GRID1: variants seen among roughly 807,000 people sequenced by gnomAD.
The protein encoded by GRID1 is glutamate ionotropic receptor delta type subunit 1.
Under a neutral mutation model 98.0 loss-of-function variants are expected in GRID1, and 28 were observed. The ratio of observed to expected loss-of-function variants is 0.29; its 90% confidence interval spans 0.21 to 0.39. GRID1 has a LOEUF of 0.39. GRID1 is among the 10% of genes least tolerant of loss of function. GRID1 has a pLI of 1.00. For missense variants in GRID1, 1,111 were observed against 1,340.5 expected, an observed-to-expected ratio of 0.83 and a Z score of 2.67; for synonymous variants, 553 against 538.5, an observed-to-expected ratio of 1.03 and a Z score of -0.37.
intron 4 of GRID1, among the ~76,000 whole-genome samples, chr10:85,984,042 CTG>C (rs1385166754): frequency 1.3e-5 from 2 of 152,094 alleles, no homozygotes; most frequent in East Asian, 3.9e-4. Flanking sequence ...ACCCTGGCGA[CTG>C]GACTTCAGGA....
At chr10:86,350,525 C>T (rs1187963098) in intron 2 of GRID1, among the ~76,000 whole-genome samples, 2 of 152,226 alleles carry the variant, frequency 1.3e-5, no homozygotes, top group African/African-American at 4.8e-5. Context: ...GCCAGTCCTT[C>T]ACATTCCCTA....
At chr10:86,315,491 C>T (rs1261453579) in intron 2 of GRID1, among the ~76,000 whole-genome samples, 1 of 152,224 alleles carries the variant, frequency 6.6e-6, no homozygotes, top group South Asian at 2.1e-4. Flanking sequence ...CTCAGAACTA[C>T]TACAGCCTCT....
chr10:85,700,560 G>T (rs1023144757), intron 12 of GRID1, among the ~76,000 whole-genome samples: 3 of 152,152 alleles, frequency 2.0e-5, no homozygotes, highest in African/African-American at 7.2e-5. Context: ...ATTAAAAGGT[G>T]CCTGTAGTGT....
At chr10:85,905,680 A>G (rs575101031) in intron 5 of GRID1, among the ~76,000 whole-genome samples, 1 of 152,170 alleles carries the variant, frequency 6.6e-6, no homozygotes, top group African/African-American at 2.4e-5. Flanking sequence ...GTAGTATAAT[A>G]TCACTTAAAA....
chr10:85,877,044 A>G lies in GRID1; in HGVS notation c.781-7864T>C, dbSNP rs888205570. Among the ~76,000 whole-genome samples, 21 of 152,306 alleles carry G rather than the reference A, an allele frequency of 1.4e-4. No individual in the cohort carries two copies. The Middle Eastern group carries it at 0.01, about 74-fold the overall frequency. On this transcript the variant is annotated intron_variant, in intron 5 of 15. Coordinates refer to ENST00000327946, the MANE Select transcript of GRID1 (RefSeq NM_017551.3). ...TGAGATCAAACTGCAAGGCGGCAGT[A>G]AGGCTGGGGGAGGGGCGCCTGCCAT...
At chr10:85,841,096 C>A (rs1342438511) in intron 8 of GRID1, among the ~76,000 whole-genome samples, 7 of 151,954 alleles carry the variant, frequency 4.6e-5, no homozygotes, top group African/African-American at 1.7e-4. Context: ...CCATACTATA[C>A]AGCTACAGTA....
At chr10:85,892,543 G>T (rs1841217961) in intron 5 of GRID1, among the ~76,000 whole-genome samples, 1 of 146,842 alleles carries the variant, frequency 6.8e-6, no homozygotes, top group South Asian at 2.1e-4. Flanking sequence ...TTTTAAGTAT[G>T]AAAAGAAAAA....
chr10:85,849,032 CAT>C (rs1843033225), intron 8 of GRID1, among the ~76,000 whole-genome samples: 2 of 152,174 alleles, frequency 1.3e-5, no homozygotes, highest in South Asian at 4.1e-4. Flanking sequence ...CACCTCCACC[CAT>C]ATCCCCCTCC....
chr10:85,726,477 AG>A (rs147676772), intron 10 of GRID1, among the ~76,000 whole-genome samples: 2,431 of 152,290 alleles, frequency 0.016, 65 homozygotes, highest in African/African-American at 0.056. Flanking sequence ...CAGAGTGAAG[AG>A]GATAGATAAT....
chr10:85,610,801 A>G (rs1430582464), intron 15 of GRID1, among the ~76,000 whole-genome samples: 4 of 152,188 alleles, frequency 2.6e-5, no homozygotes, highest in Non-Finnish European at 5.9e-5. Context: ...GAAGGGAGAC[A>G]TTGCATTTGA....
At chr10:86,002,204 A>G (rs1450113031) in intron 4 of GRID1, among the ~76,000 whole-genome samples, 1 of 152,232 alleles carries the variant, frequency 6.6e-6, no homozygotes, top group Admixed American at 6.5e-5. Context: ...CAACACATCC[A>G]TGAGGTGATA....
At chr10:86,177,452 C>T (rs1477225736) in intron 3 of GRID1, among the ~76,000 whole-genome samples, 2 of 151,448 alleles carry the variant, frequency 1.3e-5, no homozygotes, top group East Asian at 2.0e-4. Context: ...GGGGTGGGTG[C>T]ATGCATTACA....
intron 2 of GRID1, among the ~76,000 whole-genome samples, chr10:86,325,250 G>A (rs1026603299): frequency 6.6e-6 from 1 of 152,092 alleles, no homozygotes; most frequent in African/African-American, 2.4e-5. Context: ...TTAAAGTTCT[G>A]CATATATTAA....
chr10:85,907,430 A>G (rs1841478107), intron 5 of GRID1, among the ~76,000 whole-genome samples: 1 of 152,304 alleles, frequency 6.6e-6, no homozygotes, highest in African/African-American at 2.4e-5. Flanking sequence ...TAAATTTGAC[A>G]ACTTAGATGA....
chr10:85,727,807 G>T, intron 10 of GRID1, 48 bp downstream of exon 10: 1 of 1,420,302 alleles, frequency 7.0e-7, no homozygotes, highest in South Asian at 1.1e-5. Flanking sequence ...TATTACCCCA[G>T]AGGAAGACTA....
chr10:86,015,850 T>C (rs1306755041), intron 4 of GRID1, among the ~76,000 whole-genome samples: 1 of 152,164 alleles, frequency 6.6e-6, no homozygotes, highest in African/African-American at 2.4e-5. Flanking sequence ...ATTACAGATA[T>C]TATTACAGAT....
intron 4 of GRID1, among the ~76,000 whole-genome samples, chr10:85,917,494 T>C (rs1182244350): frequency 6.6e-6 from 1 of 152,242 alleles, no homozygotes; most frequent in African/African-American, 2.4e-5. Flanking sequence ...ATCAGACAAG[T>C]GTTTTCATTA....
chr10:85,690,200 G>C (rs868834085), intron 12 of GRID1, among the ~76,000 whole-genome samples: 1 of 151,892 alleles, frequency 6.6e-6, no homozygotes, highest in Admixed American at 6.6e-5. Context: ...TTTTTCTTTT[G>C]CTTAGATTTA....
At chr10:86,217,533 G>A (rs899697257) in intron 2 of GRID1, among the ~76,000 whole-genome samples, 12 of 152,164 alleles carry the variant, frequency 7.9e-5, no homozygotes, top group South Asian at 2.1e-4. Context: ...CAGTCTGGGC[G>A]GGCAGAGGTA....
Sources: allele counts gnomAD v4.1 joint callset (sites outside exome capture counted in the v4.1 genomes callset), GRCh38; gene constraint gnomAD v4.1.1; transcripts MANE v1.5; gene names NCBI Gene and HGNC (gene_info 2026-07-23, HGNC 2026-07-21).